The following CPPED1 variants were observed in gnomAD, a reference collection of about 807,000 sequenced individuals.
CPPED1 encodes the protein serine/threonine-protein phosphatase CPPED1.
CPPED1 carries 28 observed loss-of-function variants against 28.0 expected under a neutral mutation model. The ratio of observed to expected loss-of-function variants is 1.00; its 90% CI spans 0.74 to 1.37. The LOEUF (loss-of-function observed/expected upper bound fraction) is 1.37. Among genes scored for constraint, CPPED1 ranks in the 40% most tolerant of loss-of-function variants. The pLI is 0.00. For synonymous variants in CPPED1, 198 were observed against 180.2 expected (o/e 1.10, Z -0.79); for missense variants, 504 against 416.5 (o/e 1.21, Z -1.83).
chr16:12,785,949 A>C (rs1380255776), intron 1 of CPPED1, among the ~76,000 whole-genome samples: 1 of 151,816 alleles, frequency 6.6e-6, no homozygotes, highest in African/African-American at 2.4e-5. Flanking sequence ...AAAAAAAAAA[A>C]ACCAAAAGAC....
Position 12,661,008 on chromosome 16 carries a change from G to C in CPPED1, c.*3878C>G, listed in dbSNP as rs1047267251. 6.6e-6 allele frequency: 1 copy of C among 152,206 alleles called. No homozygotes were observed. The highest frequency in any genetic ancestry group is 2.4e-5 in the African/African-American group (1 of 41,446). The allele number at this position is 152,206 out of a possible 1,614,324, so 9.4% of individuals were successfully genotyped here. A position where few individuals can be genotyped will look rare whatever the true frequency, so the allele number is the denominator to read the frequency against. On this transcript the variant is annotated 3_prime_UTR_variant, in exon 4 of 4. Transcript: ENST00000381774. ...ACGAGCCTATAGTCCCAGCTAATTT[G>C]GGAGGCTGAGGTGGGAAGGTTGGTT...
At chr16:12,710,946 A>G (rs2080076847) in intron 2 of CPPED1, among the ~76,000 whole-genome samples, 1 of 152,218 alleles carries the variant, frequency 6.6e-6, no homozygotes, top group African/African-American at 2.4e-5. Context: ...CCCAAAAATT[A>G]AACGTAGGAT....
chr16:12,741,697 T>C (rs576569928), intron 2 of CPPED1, among the ~76,000 whole-genome samples: 6 of 152,314 alleles, frequency 3.9e-5, no homozygotes, highest in Middle Eastern at 3.4e-3. Flanking sequence ...CAGTATATGA[T>C]GGTAATCACC....
At chr16:12,673,618 T>C (rs1229141631) in intron 3 of CPPED1, among the ~76,000 whole-genome samples, 1 of 152,216 alleles carries the variant, frequency 6.6e-6, no homozygotes, top group East Asian at 1.9e-4. Flanking sequence ...CGTGGACAGC[T>C]GTTCCTCTCT....
intron 2 of CPPED1, among the ~76,000 whole-genome samples, chr16:12,775,697 C>A (rs1241252912): frequency 6.6e-6 from 1 of 152,188 alleles, no homozygotes; most frequent in African/African-American, 2.4e-5. Flanking sequence ...CTGGGCACCA[C>A]CTTCTGTCTG....
At chr16:12,698,037 G>C (rs932629535) in intron 3 of CPPED1, among the ~76,000 whole-genome samples, 1 of 152,120 alleles carries the variant, frequency 6.6e-6, no homozygotes, top group African/African-American at 2.4e-5. Context: ...TTGAACCTGG[G>C]AGGCGGAAGT....
Position 12,803,786 on chromosome 16 carries a change from G to C in CPPED1, c.-10C>G. The stretch of plus-strand genomic sequence containing the variant: ...CCTCTGCAGCCGACATGGCGAGCGA[G>C]TTTCTGGCCTTCACTTAGAACACTG... On this transcript the variant is annotated 5_prime_UTR_variant, in exon 1 of 4. Coordinates refer to ENST00000381774, the MANE Select transcript of CPPED1 (RefSeq NM_018340.3). 1.9e-6 allele frequency: 3 copies of C among 1,598,080 alleles called. No homozygotes were observed. The highest frequency in any genetic ancestry group is 2.6e-6 in the Non-Finnish European group (3 of 1,173,340).
At chr16:12,698,248 A>T (rs1299044553) in intron 3 of CPPED1, among the ~76,000 whole-genome samples, 1 of 152,170 alleles carries the variant, frequency 6.6e-6, no homozygotes, top group Non-Finnish European at 1.5e-5. Flanking sequence ...CTACTATATG[A>T]CAGTCTCAGC....
chr16:12,669,421 C>T (rs1279311920), intron 3 of CPPED1, among the ~76,000 whole-genome samples: 1 of 151,996 alleles, frequency 6.6e-6, no homozygotes, highest in African/African-American at 2.4e-5. Context: ...CTTGCACAAC[C>T]TTGTGAATAT....
chr16:12,766,187 G>A (rs2080436798), intron 2 of CPPED1, among the ~76,000 whole-genome samples: 1 of 150,478 alleles, frequency 6.6e-6, no homozygotes, highest in Non-Finnish European at 1.5e-5. Context: ...TAGGTCAGGA[G>A]TTCGAGACCA....
chr16:12,707,460 C>G (rs145462872), intron 2 of CPPED1, among the ~76,000 whole-genome samples: 75 of 152,238 alleles, frequency 4.9e-4, no homozygotes, highest in African/African-American at 1.7e-3. Context: ...AAACTAAGGT[C>G]GTTGCTCTCA....
chr16:12,751,891 C>G (rs2080331835), intron 2 of CPPED1, among the ~76,000 whole-genome samples: 1 of 152,120 alleles, frequency 6.6e-6, no homozygotes, highest in South Asian at 2.1e-4. Context: ...TAGCCCAATA[C>G]CTAATCCTCA....
intron 3 of CPPED1, among the ~76,000 whole-genome samples, chr16:12,692,378 T>C (rs1321310146): frequency 6.6e-6 from 1 of 152,198 alleles, no homozygotes; most frequent in Non-Finnish European, 1.5e-5. Flanking sequence ...TATCAGAAAC[T>C]GTGTCCCTTA....
chr16:12,773,090 T>C (rs2080478788), intron 2 of CPPED1, among the ~76,000 whole-genome samples: 1 of 152,130 alleles, frequency 6.6e-6, no homozygotes, highest in Admixed American at 6.5e-5. Context: ...TTTGAGATGG[T>C]AGGTAAGGGG....
At chr16:12,792,541 T>C (rs765979295) in intron 1 of CPPED1, among the ~76,000 whole-genome samples, 1 of 152,110 alleles carries the variant, frequency 6.6e-6, no homozygotes. Flanking sequence ...TAGACCACTA[T>C]CTGCTTCTCC....
At chr16:12,673,339 A>G (rs1219540586) in intron 3 of CPPED1, among the ~76,000 whole-genome samples, 1 of 152,258 alleles carries the variant, frequency 6.6e-6, no homozygotes, top group Non-Finnish European at 1.5e-5. Flanking sequence ...ACGGCTGGAC[A>G]GAAAGCACTT....
At chr16:12,784,517 GACA>G (rs1443110053) in intron 1 of CPPED1, among the ~76,000 whole-genome samples, 1 of 148,610 alleles carries the variant, frequency 6.7e-6, no homozygotes, top group Non-Finnish European at 1.5e-5. Flanking sequence ...TCAAGAAGTA[GACA>G]ACAAGATTTC....
chr16:12,793,780 T>A (rs1017246895), intron 1 of CPPED1, among the ~76,000 whole-genome samples: 3 of 152,160 alleles, frequency 2.0e-5, no homozygotes, highest in Non-Finnish European at 4.4e-5. Flanking sequence ...TGAGAAAACA[T>A]CTGATGAGAG....
At chr16:12,779,447 G>C (rs1332428404) in intron 2 of CPPED1, among the ~76,000 whole-genome samples, 1 of 151,668 alleles carries the variant, frequency 6.6e-6, no homozygotes, top group Non-Finnish European at 1.5e-5. Context: ...GGAGTGCAGT[G>C]GCGCGATCTC....
Sources: allele counts gnomAD v4.1 joint callset (sites outside exome capture counted in the v4.1 genomes callset), GRCh38; gene constraint gnomAD v4.1.1; transcripts MANE v1.5; gene names NCBI Gene and HGNC (gene_info 2026-07-23, HGNC 2026-07-21).